The following ZNF606 variants were observed in gnomAD, a reference collection of about 807,000 sequenced individuals.
ZNF606 encodes zinc finger protein 328.
Under a neutral mutation model 74.9 loss-of-function variants are expected in ZNF606, and 37 were observed. The observed-to-expected ratio is 0.49, with a 90% CI of 0.38 to 0.65. The LOEUF (loss-of-function observed/expected upper bound fraction) is 0.65. Ranked by LOEUF, ZNF606 falls within the 30% of genes least tolerant of loss-of-function variation. ZNF606 has a pLI of 0.00. For missense variants in ZNF606, 852 were observed against 952.9 expected (o/e 0.89, Z 1.39); for synonymous variants, 328 against 312.4 (o/e 1.05, Z -0.53).
At chr19:57,985,787 A>G (rs984144296) in intron 6 of ZNF606, among the ~76,000 whole-genome samples, 1 of 150,830 alleles carries the variant, frequency 6.6e-6, no homozygotes, top group African/African-American at 2.4e-5. Flanking sequence ...AAAAAAAATT[A>G]GCTGGGCGTG....
chr19:57,992,757 T>C (rs2073279227), intron 4 of ZNF606, among the ~76,000 whole-genome samples: 1 of 152,200 alleles, frequency 6.6e-6, no homozygotes, highest in African/African-American at 2.4e-5. Context: ...ATTCTGAGAT[T>C]TGCTTTCAAA....
Position 57,979,136 on chromosome 19 carries a change from G to C in ZNF606, c.1544C>G (p.Thr515Ser). ...THTGEKPFEC[T>S]ECGKSFSWSS... ...CCAGCTGAATGATTTCCCACATTCA[G>C]TACATTCAAAAGGTTTCTCTCCTGT... Residue 515 changes from threonine (T) to serine (S), a missense_variant, in exon 7 of 7, where the codon ACT (threonine) becomes AGT (serine). By Grantham distance (58) the Thr-to-Ser change is moderately conservative. Around this residue, in one of 3 missense-constraint regions of ZNF606, gnomAD observed 243 missense variants for 359.2 expected, o/e 0.68. Coordinates refer to ENST00000551380, the MANE Select transcript of ZNF606 (RefSeq NM_001348022.3). The C allele has an allele frequency of 6.2e-7, 1 of 1,613,964 alleles. No homozygotes were observed. The highest frequency in any genetic ancestry group is 8.5e-7 in the Non-Finnish European group (1 of 1,180,004).
In ZNF606 at chr19:57,979,178, C is replaced by A; in HGVS notation, c.1502G>T (p.Gly501Val). Residue 501 changes from glycine to valine, a missense_variant, in exon 7 of 7, where the codon GGA (glycine) becomes GTA (valine). Gly to Val is a moderately radical substitution (Grantham distance 109). Around this residue, in one of 3 missense-constraint regions of ZNF606, gnomAD observed 243 missense variants for 359.2 expected, o/e 0.68. Transcript: ENST00000551380. ...KSFNWNSHLI[G>V]HQRTHTGEKP... is the part of the protein sequence containing the mutation. ...CTCTCCTGTATGAGTCCTCTGATGT[C>A]CAATAAGATGAGAGTTCCAGTTGAA... 2 of 1,613,828 alleles carry A rather than the reference C, an allele frequency of 1.2e-6. No individual in the cohort carries two copies. The highest frequency in any genetic ancestry group is 4.5e-5 in the East Asian group (2 of 44,864).
intron 3 of ZNF606, chr19:58,000,433 G>A (rs2073403940): frequency 1.7e-6 from 1 of 599,240 alleles, no homozygotes; most frequent in Admixed American, 2.7e-5. Flanking sequence ...CACCGTGTTA[G>A]CCAGGATGGT....
intron 6 of ZNF606, among the ~76,000 whole-genome samples, chr19:57,986,383 T>C (rs936238566): frequency 6.6e-6 from 1 of 151,150 alleles, no homozygotes. Flanking sequence ...GCCTAGAAGG[T>C]TGAGACTCCA....
intron 1 of ZNF606, chr19:58,002,125 T>C: frequency 2.2e-6 from 1 of 455,904 alleles, no homozygotes; most frequent in Non-Finnish European, 4.4e-6. Context: ...AAACCGTACT[T>C]TGCACCATTA....
intron 1 of ZNF606, 44 bp from the exon 2 acceptor site, chr19:58,001,414 A>C: frequency 6.7e-7 from 1 of 1,484,490 alleles, no homozygotes; most frequent in Non-Finnish European, 9.3e-7. Context: ...CCTTTCTCAC[A>C]GAAGACCAAG....
In ZNF606 at chr19:57,988,705, T is replaced by C; in HGVS notation, c.194A>G (p.Lys65Arg). ...AAQVQEPVTFKDVAVDFTQEE... is the reference protein window; with the variant it reads ...AAQVQEPVTFRDVAVDFTQEE... ...TTGGGTGAAGTCCACGGCCACGTCC[T>C]TGAAGGTCACTGGTTCCTAAAAGAA... Residue 65 changes from lysine to arginine, a missense_variant, in exon 5 of 7, where the codon AAG (lysine) becomes AGG (arginine). Around this residue, in one of 3 missense-constraint regions of ZNF606, gnomAD observed 545 missense variants for 542.5 expected, o/e 1.00. Transcript: ENST00000551380. 2 of 1,614,166 alleles carry C rather than the reference T, an allele frequency of 1.2e-6. No homozygotes were observed. Among genetic ancestry groups the C allele is most frequent in the Non-Finnish European group, 1.7e-6 (2 of 1,180,032 alleles).
Position 57,978,019 on chromosome 19 carries a change from A to G in ZNF606, c.*282T>C, listed in dbSNP as rs525221. The stretch of plus-strand genomic sequence containing the variant: ...CTTGCTAAAAGATGCCTCATTCCCC[A>G]CAGTCATGGTCCTCAAGTATGAATT... On this transcript the variant is annotated 3_prime_UTR_variant, in exon 7 of 7. Transcript: ENST00000551380. The surrounding 1 kb of genome is among the most constrained non-coding windows in gnomAD (Gnocchi z 4.4). 79,853 of 246,654 alleles carry G rather than the reference A, an allele frequency of 0.32. 13,265 individuals are homozygous for G. Among genetic ancestry groups the G allele is most frequent in the East Asian group, 0.38 (4,651 of 12,378 alleles). The allele number at this position is 246,654 out of a possible 1,614,324, so 15.3% of individuals were successfully genotyped here. A position where few individuals can be genotyped will look rare whatever the true frequency, so the allele number is the denominator to read the frequency against.
In ZNF606 at chr19:57,988,711, G is replaced by A; in HGVS notation, c.188C>T (p.Thr63Ile). The change falls in exon 5 of 7, where the codon ACC becomes ATC. Residue 63 changes from threonine to isoleucine, a missense_variant. Transcript: ENST00000551380. ...LPAAQVQEPV[T>I]FKDVAVDFTQ... The stretch of plus-strand genomic sequence containing the variant: ...GAAGTCCACGGCCACGTCCTTGAAG[G>A]TCACTGGTTCCTAAAAGAACACAAA... 6.2e-7 allele frequency: 1 copy of A among 1,614,106 alleles called. No homozygotes were observed. Among genetic ancestry groups the A allele is most frequent in the East Asian group, 2.2e-5 (1 of 44,870 alleles).
intron 4 of ZNF606, among the ~76,000 whole-genome samples, chr19:57,995,793 T>C (rs2073331390): frequency 6.6e-6 from 1 of 152,090 alleles, no homozygotes; most frequent in Non-Finnish European, 1.5e-5. Context: ...CACTCCAGTA[T>C]GGGCAATGCA....
At chr19:57,984,358 G>A (rs1281887262) in intron 6 of ZNF606, among the ~76,000 whole-genome samples, 4 of 152,194 alleles carry the variant, frequency 2.6e-5, no homozygotes. Context: ...GCTCTGGATG[G>A]TAACTAAGAA....
At chr19:58,001,151 C>G (rs993192711) in intron 2 of ZNF606, 138 bp downstream of exon 2, 6 of 997,670 alleles carry the variant, frequency 6.0e-6, no homozygotes, top group South Asian at 1.6e-5. Flanking sequence ...TCCTTTACCA[C>G]CAATCAGTTC....
chr19:58,002,976 A>C, upstream of ZNF606: 1 of 455,950 alleles, frequency 2.2e-6, no homozygotes, highest in South Asian at 1.6e-5. Flanking sequence ...AGCCGGCGGC[A>C]GGATGGACTT....
upstream of ZNF606, chr19:58,002,891 G>A (rs1255380532): frequency 2.1e-5 from 9 of 436,938 alleles, no homozygotes; most frequent in African/African-American, 1.0e-4. Flanking sequence ...CAGCGGCGCC[G>A]CCATGACAGG....
rs555750369 is a variant in ZNF606 at position 57,981,572 on chromosome 19, T to C, written c.401-1293A>G. Among the ~76,000 whole-genome samples, 67 of 152,294 alleles carry C rather than the reference T, an allele frequency of 4.4e-4. 2 individuals are homozygous for C. In the South Asian group the frequency reaches 0.012, roughly 26 times the overall value. Reference sequence around the variant, plus strand: ...TCACTTCTGTGTTATAATGTCCTTCTACTCCCATATCTTGACAAGTGCAGA... The same window carrying C: ...TCACTTCTGTGTTATAATGTCCTTCCACTCCCATATCTTGACAAGTGCAGA... On this transcript the variant is annotated intron_variant, in intron 6 of 6. Coordinates refer to ENST00000551380, the MANE Select transcript of ZNF606 (RefSeq NM_001348022.3).
intron 4 of ZNF606, among the ~76,000 whole-genome samples, chr19:57,989,893 T>C (rs945464143): frequency 3.0e-5 from 4 of 132,740 alleles, no homozygotes; most frequent in African/African-American, 8.5e-5. Flanking sequence ...CTACTAAAAA[T>C]ACAAAAAAAT....
chr19:57,983,033 A>G (rs747223791), intron 6 of ZNF606, among the ~76,000 whole-genome samples: 7 of 152,222 alleles, frequency 4.6e-5, no homozygotes, highest in Non-Finnish European at 8.8e-5. Flanking sequence ...TTACTGAATT[A>G]TCTTCATATA....
upstream of ZNF606, chr19:58,003,240 CTG>C (rs2073472895): frequency 2.2e-6 from 1 of 456,652 alleles, no homozygotes. Context: ...CTACCCTTCT[CTG>C]TGAAGCTCGA....
Sources: allele counts gnomAD v4.1 joint callset (sites outside exome capture counted in the v4.1 genomes callset), GRCh38; gene constraint gnomAD v4.1.1; regional missense constraint gnomAD v4.1.1; non-coding constraint Gnocchi (gnomAD v3.1); transcripts MANE v1.5; gene names NCBI Gene and HGNC (gene_info 2026-07-23, HGNC 2026-07-21).